Variants in CRLF3 observed in about 807,000 individuals in gnomAD.
CRLF3 encodes the protein cytokine receptor-like factor 3.
CRLF3 carries 33 observed loss-of-function variants against 55.0 expected under a neutral mutation model. The ratio of observed to expected loss-of-function variants is 0.60; its 90% CI spans 0.46 to 0.80. The LOEUF (loss-of-function observed/expected upper bound fraction) is 0.80, where lower values mean the gene tolerates loss of function less well. Ranked by LOEUF, CRLF3 falls within the 30% of genes least tolerant of loss-of-function variation. The pLI is 0.00. For missense variants in CRLF3, 494 were observed against 538.4 expected (o/e 0.92, Z 0.82); for synonymous variants, 238 against 196.8 (o/e 1.21, Z -1.75).
intron 4 of CRLF3, among the ~76,000 whole-genome samples, chr17:30,795,894 T>G (rs1288515714): frequency 1.3e-5 from 2 of 151,684 alleles, no homozygotes; most frequent in Admixed American, 6.6e-5. Flanking sequence ...GGCATGGAGG[T>G]TGCAGTAAGC....
rs562238323 is a variant in CRLF3 at position 30,791,521 on chromosome 17, A to T, written c.959+919T>A. Reference sequence around the variant, plus strand: ...TGCGTCCAGTCTCTTGGCCTCTAAAATTTTTTTTTTTTTTGAAACGGAGTC... The same window carrying T: ...TGCGTCCAGTCTCTTGGCCTCTAAATTTTTTTTTTTTTTTGAAACGGAGTC... On this transcript the variant is annotated intron_variant, in intron 6 of 7. Transcript: ENST00000324238. Among the ~76,000 whole-genome samples the T allele has an allele frequency of 4.1e-3, 538 of 130,324 alleles. 3 individuals carry two copies. Among genetic ancestry groups the T allele is most frequent in the Non-Finnish European group, 7.0e-3 (422 of 60,666 alleles). The allele number at this position is 130,324 out of a possible 152,430, so 85.5% of individuals were successfully genotyped here. A position where few individuals can be genotyped will look rare whatever the true frequency, so the allele number is the denominator to read the frequency against.
chr17:30,800,860 C>T lies in CRLF3; in HGVS notation c.337+3041G>A, dbSNP rs145202981. On this transcript the variant is annotated intron_variant, in intron 2 of 7. Transcript: ENST00000324238. ...CACGATCTAGGCTCACTGCAAGCTC[C>T]GCCTCCTGGGTTCACGCCATTATCG... Among the ~76,000 whole-genome samples, 140 of 151,442 alleles carry T rather than the reference C, an allele frequency of 9.2e-4. 3 individuals carry two copies. In the East Asian group the frequency reaches 0.024, roughly 26 times the overall value.
Position 30,783,024 on chromosome 17 carries a change from TAAAA to T in CRLF3, c.*1159_*1162del, listed in dbSNP as rs568646811. The T allele has an allele frequency of 2.6e-5, 4 of 152,026 alleles. No individual in the cohort carries two copies. The highest frequency in any genetic ancestry group is 2.1e-4 in the South Asian group (1 of 4,822). 9.4% of individuals were successfully genotyped at this position (152,026 alleles called of 1,614,324 possible). On this transcript the variant is annotated 3_prime_UTR_variant, in exon 8 of 8. Coordinates refer to ENST00000324238, the MANE Select transcript of CRLF3 (RefSeq NM_015986.4). Reference sequence around the variant, plus strand: ...TTACACACAAATTTAAGTAAGTTTTTAAAAAAAATAAGTATTTACGCTATATTTT... The same window carrying T: ...TTACACACAAATTTAAGTAAGTTTTTAAAATAAGTATTTACGCTATATTTT...
chr17:30,787,551 T>G (rs1971676729), intron 6 of CRLF3: 1 of 142,398 alleles, frequency 7.0e-6, no homozygotes, highest in Admixed American at 7.1e-5. Context: ...AAAAAATTAG[T>G]GTGAAACAAA....
At chr17:30,788,599 CTT>C (rs1159336036) in intron 6 of CRLF3, among the ~76,000 whole-genome samples, 7,407 of 79,402 alleles carry the variant, frequency 0.093, 172 homozygotes, top group African/African-American at 0.18. Flanking sequence ...GTAGTGCCTT[CTT>C]TTTTTTTTTT....
chr17:30,803,295 A>G (rs1385567616), intron 2 of CRLF3, among the ~76,000 whole-genome samples: 2 of 152,090 alleles, frequency 1.3e-5, no homozygotes, highest in Admixed American at 6.6e-5. Flanking sequence ...AAACATCTCA[A>G]TGTGCCCCAT....
intron 1 of CRLF3, among the ~76,000 whole-genome samples, chr17:30,819,482 A>G (rs1415006643): frequency 2.0e-5 from 3 of 151,982 alleles, no homozygotes; most frequent in East Asian, 3.9e-4. Flanking sequence ...ATCTCTACTT[A>G]CGTTTTTGTT....
chr17:30,782,891 T>A lies in CRLF3; in HGVS notation c.*1296A>T, dbSNP rs1427480686. On this transcript the variant is annotated 3_prime_UTR_variant, in exon 8 of 8. Transcript: ENST00000324238. ...CATACTTGCTTTTCTACTTTTTTAC[T>A]ATACTGGTAAAAATGAAATGAAAAA... The A allele has an allele frequency of 8.6e-6, 1 of 115,974 alleles. No individual in the cohort carries two copies. Among genetic ancestry groups the A allele is most frequent in the African/African-American group, 3.3e-5 (1 of 30,752 alleles). The allele number at this position is 115,974 out of a possible 1,614,324, so 7.2% of individuals were successfully genotyped here. A position where few individuals can be genotyped will look rare whatever the true frequency, so the allele number is the denominator to read the frequency against.
Position 30,783,930 on chromosome 17 carries a change from A to G in CRLF3, c.*257T>C, listed in dbSNP as rs1971567505. The G allele has an allele frequency of 2.5e-6, 1 of 400,846 alleles. No homozygotes were observed. The highest frequency in any genetic ancestry group is 4.2e-5 in the Admixed American group (1 of 23,944). The allele number at this position is 400,846 out of a possible 1,614,324, so 24.8% of individuals were successfully genotyped here. The stretch of plus-strand genomic sequence containing the variant: ...GTATAGAACTTCCTATATCTTCTAT[A>G]CTTTTAATGCCAATTTGATTTTTAT... On this transcript the variant is annotated 3_prime_UTR_variant, in exon 8 of 8. Transcript: ENST00000324238.
chr17:30,789,627 A>C (rs1319067176), intron 6 of CRLF3, among the ~76,000 whole-genome samples: 1 of 152,218 alleles, frequency 6.6e-6, no homozygotes, highest in Non-Finnish European at 1.5e-5. Context: ...ACACTGGGTA[A>C]ATAACTTCTC....
intron 4 of CRLF3, 26 bp from the exon 5 acceptor site, chr17:30,793,698 T>TA: frequency 1.3e-6 from 2 of 1,535,296 alleles, no homozygotes; most frequent in Middle Eastern, 3.5e-4. Context: ...TTATGTTAGG[T>TA]AAAAAACAGA....
At chr17:30,786,614 C>T (rs1971653311) in intron 6 of CRLF3, 1 of 152,224 alleles carries the variant, frequency 6.6e-6, no homozygotes, top group African/African-American at 2.4e-5. Context: ...TTAAAAATAG[C>T]TAAATAACCT....
At chr17:30,821,725 G>T (rs1233675664) in intron 1 of CRLF3, among the ~76,000 whole-genome samples, 1 of 152,112 alleles carries the variant, frequency 6.6e-6, no homozygotes, top group African/African-American at 2.4e-5. Flanking sequence ...GACCAGAATA[G>T]GCAAATCCAT....
At chr17:30,799,650 G>A (rs1249265033) in intron 2 of CRLF3, among the ~76,000 whole-genome samples, 2 of 151,792 alleles carry the variant, frequency 1.3e-5, no homozygotes, top group African/African-American at 4.8e-5. Context: ...GATTACAGGT[G>A]CCCACCACCA....
rs775308848 is a variant in CRLF3, at chr17:30,796,125, T to C, written c.603+35A>G. The stretch of plus-strand genomic sequence containing the variant: ...AGGCCTCCAAATCGCAAACCCATAA[T>C]GTGGAAGTCATTTCTAGAATTCTGA... On this transcript the variant is annotated intron_variant, in intron 4 of 7. Coordinates refer to ENST00000324238, the MANE Select transcript of CRLF3 (RefSeq NM_015986.4). 25 of 1,505,296 alleles carry C rather than the reference T, an allele frequency of 1.7e-5. No individual in the cohort carries two copies. The South Asian group carries it at 2.8e-4, about 17-fold the overall frequency. The allele number at this position is 1,505,296 out of a possible 1,614,324, so 93.2% of individuals were successfully genotyped here. A position where few individuals can be genotyped will look rare whatever the true frequency, so the allele number is the denominator to read the frequency against.
At chr17:30,787,236 T>G (rs1165947763) in intron 6 of CRLF3, among the ~76,000 whole-genome samples, 1 of 152,230 alleles carries the variant, frequency 6.6e-6, no homozygotes, top group East Asian at 1.9e-4. Flanking sequence ...ACATTATAAT[T>G]TATGTAACTA....
At chr17:30,817,292 G>A (rs1480751297) in intron 1 of CRLF3, among the ~76,000 whole-genome samples, 1 of 152,066 alleles carries the variant, frequency 6.6e-6, no homozygotes, top group African/African-American at 2.4e-5. Context: ...CAAAAAATGA[G>A]CCGGGTGTGG....
intron 1 of CRLF3, among the ~76,000 whole-genome samples, chr17:30,813,947 G>A (rs564781460): frequency 6.6e-6 from 1 of 152,114 alleles, no homozygotes; most frequent in Non-Finnish European, 1.5e-5. Context: ...GTGACTCACT[G>A]ATAGCCCTCA....
At chr17:30,801,120 T>C (rs1972002221) in intron 2 of CRLF3, 2 of 151,488 alleles carry the variant, frequency 1.3e-5, no homozygotes, top group African/African-American at 4.9e-5. Context: ...TCTCACTACA[T>C]TGCCCAGACT....
Sources: allele counts gnomAD v4.1 joint callset (sites outside exome capture counted in the v4.1 genomes callset), GRCh38; gene constraint gnomAD v4.1.1; transcripts MANE v1.5; gene names NCBI Gene and HGNC (gene_info 2026-07-23, HGNC 2026-07-21).